The following SIPA1L2 variants were observed in gnomAD, a reference collection of about 807,000 sequenced individuals.
SIPA1L2 encodes the protein signal-induced proliferation-associated 1-like protein 2.
A neutral mutation model predicts 163.9 loss-of-function variants in SIPA1L2; 56 were observed. That is an observed-to-expected ratio of 0.34 (90% confidence interval 0.28 to 0.43). The LOEUF (loss-of-function observed/expected upper bound fraction) is 0.43, where lower values mean the gene tolerates loss of function less well. Among genes scored for constraint, SIPA1L2 ranks in the 20% least tolerant of loss-of-function variants. SIPA1L2 has a pLI of 1.00. For missense variants in SIPA1L2, 1,974 were observed against 2,193.5 expected, an observed-to-expected ratio of 0.90 and a Z score of 2.00; for synonymous variants, 877 against 865.7, an observed-to-expected ratio of 1.01 and a Z score of -0.23.
chr1:232,623,214 T>C (rs1034511699), intron 1 of SIPA1L2, among the ~76,000 whole-genome samples: 4 of 152,182 alleles, frequency 2.6e-5, no homozygotes, highest in African/African-American at 9.7e-5. Context: ...TTCTGGCCAA[T>C]CACATACAGA....
intron 2 of SIPA1L2, among the ~76,000 whole-genome samples, chr1:232,539,313 C>T (rs1394598198): frequency 1.3e-5 from 2 of 152,222 alleles, no homozygotes; most frequent in Admixed American, 6.5e-5. Context: ...CTTCCTACTA[C>T]TTACAACTGC....
intron 9 of SIPA1L2, among the ~76,000 whole-genome samples, chr1:232,464,401 A>G (rs1481584823): frequency 6.6e-6 from 1 of 152,242 alleles, no homozygotes; most frequent in Non-Finnish European, 1.5e-5. Flanking sequence ...TTAATCTGGC[A>G]CATTAAACAA....
At chr1:232,469,687 AT>A (rs1227103607) in intron 8 of SIPA1L2, among the ~76,000 whole-genome samples, 3 of 152,192 alleles carry the variant, frequency 2.0e-5, no homozygotes, top group Non-Finnish European at 4.4e-5. Flanking sequence ...TGGTATCTTT[AT>A]CACAGAAAAA....
intron 1 of SIPA1L2, among the ~76,000 whole-genome samples, chr1:232,622,382 ACAT>A (rs1357510976): frequency 6.6e-6 from 1 of 152,236 alleles, no homozygotes; most frequent in African/African-American, 2.4e-5. Context: ...GGGTTTTTAA[ACAT>A]CATGATTTCC....
chr1:232,614,608 G>C (rs1317789352), intron 1 of SIPA1L2, among the ~76,000 whole-genome samples: 1 of 152,214 alleles, frequency 6.6e-6, no homozygotes, highest in Non-Finnish European at 1.5e-5. Flanking sequence ...TTGCTCGGGA[G>C]GTTCCCGGAA....
chr1:232,588,776 A>G (rs534714599), intron 1 of SIPA1L2, among the ~76,000 whole-genome samples: 12 of 152,380 alleles, frequency 7.9e-5, no homozygotes, highest in African/African-American at 2.9e-4. Flanking sequence ...GCTGTCTTCT[A>G]ATAAGCCAGA....
intron 9 of SIPA1L2, 62 bp from the exon 10 acceptor site, chr1:232,461,223 A>G (rs2102919171): frequency 1.3e-6 from 2 of 1,577,168 alleles, no homozygotes; most frequent in African/African-American, 1.3e-5. Context: ...GGGCTCTGCC[A>G]AAGGTGCACG....
chr1:232,530,830 T>C (rs923837073), intron 2 of SIPA1L2, among the ~76,000 whole-genome samples: 2 of 150,328 alleles, frequency 1.3e-5, no homozygotes, highest in African/African-American at 4.9e-5. Context: ...GTTAAATACA[T>C]GACTCTAAAA....
chr1:232,550,050 A>G (rs1259273320), intron 2 of SIPA1L2, among the ~76,000 whole-genome samples: 1 of 152,246 alleles, frequency 6.6e-6, no homozygotes, highest in Non-Finnish European at 1.5e-5. Flanking sequence ...TTAACTATCT[A>G]TAAGACAGAA....
rs570825839 is a variant in SIPA1L2 at position 232,471,967 on chromosome 1, A to T, written c.2086-439T>A. 2.4e-4 allele frequency among the ~76,000 whole-genome samples: 37 copies of T among 152,328 alleles called. 1 individual carries two copies. The South Asian group carries it at 5.2e-3, about 21-fold the overall frequency. On this transcript the variant is annotated intron_variant, in intron 7 of 22. Transcript: ENST00000674635. ...TATCCTGTGCTCCCACAGTAAAGTAACGTGCATTTCTGCAACAAAAATACA... is the reference window on the plus strand; with the variant it reads ...TATCCTGTGCTCCCACAGTAAAGTATCGTGCATTTCTGCAACAAAAATACA...
rs371114774 is a variant in SIPA1L2 at position 232,441,879 on chromosome 1, C to T, written c.3438-11G>A. The stretch of plus-strand genomic sequence containing the variant: ...AGAGGGGACTGGCACCTGAAAAGAA[C>T]ACAGAGTTGAGCCTGTCCTTTCTCA... On this transcript the variant is annotated splice_polypyrimidine_tract_variant and intron_variant, in intron 12 of 22. Coordinates refer to ENST00000674635, the MANE Select transcript of SIPA1L2 (RefSeq NM_020808.5). 2.5e-6 allele frequency: 4 copies of T among 1,606,812 alleles called. No homozygotes were observed. The highest frequency in any genetic ancestry group is 3.4e-6 in the Non-Finnish European group (4 of 1,175,674).
intron 7 of SIPA1L2, among the ~76,000 whole-genome samples, chr1:232,472,242 G>C (rs1424141419): frequency 6.6e-6 from 1 of 152,122 alleles, no homozygotes; most frequent in Non-Finnish European, 1.5e-5. Flanking sequence ...AGACAATGCA[G>C]TTGTCTCTGT....
rs376443204 is a variant in SIPA1L2 at position 232,399,144 on chromosome 1, T to C, written c.5152A>G (p.Ile1718Val). 9.3e-6 allele frequency: 15 copies of C among 1,613,982 alleles called. No individual in the cohort carries two copies. Among genetic ancestry groups the C allele is most frequent in the Non-Finnish European group, 1.3e-5 (15 of 1,180,022 alleles). Reference protein sequence around the residue: ...RKFTEWFFTTIDKKS With the variant: ...RKFTEWFFTTVDKKS ...CGGATTGGCTAAGATTTTTTGTCGA[T>C]GGTGGTGAAAAACCATTCTGTGAAT... The change falls in exon 23 of 23, where the codon ATC becomes GTC. Residue 1718 changes from isoleucine (I) to valine (V), a missense_variant. Physicochemically the swap from Ile to Val is conservative, Grantham distance 29. This residue lies in a region of SIPA1L2 where 1,079 missense variants were observed against 1,150.7 expected (regional missense o/e 0.94). Transcript: ENST00000674635.
chr1:232,398,446 C>G lies in SIPA1L2; in HGVS notation c.*681G>C, dbSNP rs988148197. 1 of 152,256 alleles carries G rather than the reference C, an allele frequency of 6.6e-6. No homozygotes were observed. Among genetic ancestry groups the G allele is most frequent in the Admixed American group, 6.6e-5 (1 of 15,238 alleles). 9.4% of individuals were successfully genotyped at this position (152,256 alleles called of 1,614,324 possible). ...TGAGCCATTTACAAGGCATATGTAT[C>G]TTTTTTTTGTTTTTAATCAGAACAC... is the stretch of plus-strand genomic sequence containing the variant. On this transcript the variant is annotated 3_prime_UTR_variant, in exon 23 of 23. Transcript: ENST00000674635.
At chr1:232,457,088 G>T (rs921762068) in intron 10 of SIPA1L2, among the ~76,000 whole-genome samples, 2 of 152,190 alleles carry the variant, frequency 1.3e-5, no homozygotes, top group Non-Finnish European at 2.9e-5. Flanking sequence ...CAAAACACAG[G>T]TGGCTTTAGG....
chr1:232,512,529 C>CCA (rs1237905758), intron 3 of SIPA1L2, among the ~76,000 whole-genome samples: 1 of 152,120 alleles, frequency 6.6e-6, no homozygotes, highest in Non-Finnish European at 1.5e-5. Context: ...ACCATGGATA[C>CCA]TATGTAGCCA....
chr1:232,532,082 A>G (rs1222755186), intron 2 of SIPA1L2, among the ~76,000 whole-genome samples: 1 of 152,166 alleles, frequency 6.6e-6, no homozygotes, highest in African/African-American at 2.4e-5. Context: ...TGATGAGGAA[A>G]GGCTCCAGGG....
In SIPA1L2 at chr1:232,425,636, G is replaced by T; in HGVS notation, c.4583C>A (p.Thr1528Lys). ...LFSTTPPYHS[T>K]LPPRAHPAPS... ...TGCGGGGTGGGCCCGCGGAGGCAGC[G>T]TGCTGTGGTAGGGTGGGGTGGTGCT... The change falls in exon 18 of 23, where the codon ACG becomes AAG. Residue 1528 changes from threonine (T) to lysine (K), a missense_variant. Around this residue, in one of 3 missense-constraint regions of SIPA1L2, gnomAD observed 1,079 missense variants for 1,150.7 expected, o/e 0.94. Coordinates refer to ENST00000674635, the MANE Select transcript of SIPA1L2 (RefSeq NM_020808.5). 1 of 1,612,022 alleles carries T rather than the reference G, an allele frequency of 6.2e-7. No homozygotes were observed.
At chr1:232,472,483 C>T (rs1664848056) in intron 7 of SIPA1L2, among the ~76,000 whole-genome samples, 1 of 152,206 alleles carries the variant, frequency 6.6e-6, no homozygotes, top group Admixed American at 6.5e-5. Flanking sequence ...CAAATATACA[C>T]TTACTGACAC....
Sources: allele counts gnomAD v4.1 joint callset (sites outside exome capture counted in the v4.1 genomes callset), GRCh38; gene constraint gnomAD v4.1.1; regional missense constraint gnomAD v4.1.1; transcripts MANE v1.5; gene names NCBI Gene and HGNC (gene_info 2026-07-23, HGNC 2026-07-21).